Variants in INSC observed in about 807,000 individuals in gnomAD.
The protein encoded by INSC is INSC spindle orientation adaptor protein.
Under a neutral mutation model 58.6 loss-of-function variants are expected in INSC, and 67 were observed. The ratio of observed to expected loss-of-function variants is 1.14; its 90% CI spans 0.94 to 1.40. The LOEUF (loss-of-function observed/expected upper bound fraction) is 1.40, where lower values mean the gene tolerates loss of function less well. Among genes scored for constraint, INSC ranks in the 40% most tolerant of loss-of-function variants. The pLI is 0.00. For missense variants in INSC, 714 were observed against 692.0 expected, an observed-to-expected ratio of 1.03 and a Z score of -0.36; for synonymous variants, 262 against 276.1, an observed-to-expected ratio of 0.95 and a Z score of 0.51.
At chr11:15,245,067 A>G (rs1590021273) in intron 12 of INSC, among the ~76,000 whole-genome samples, 1 of 152,208 alleles carries the variant, frequency 6.6e-6, no homozygotes, top group East Asian at 1.9e-4. Flanking sequence ...GATACAGAGA[A>G]ATAGAAAACA....
At chr11:15,235,310 C>T (rs550134833) in intron 9 of INSC, 13 of 428,736 alleles carry the variant, frequency 3.0e-5, no homozygotes, top group African/African-American at 8.0e-5. Flanking sequence ...GAAAGACAAC[C>T]GGGCCCCAAC....
intron 1 of INSC, among the ~76,000 whole-genome samples, chr11:15,140,948 T>C (rs577923500): frequency 7.1e-4 from 108 of 152,244 alleles, no homozygotes; most frequent in Admixed American, 1.6e-3. Context: ...TTCTGGCTCC[T>C]CATCTGAAAA....
chr11:15,219,440 G>C (rs998678488), intron 7 of INSC, among the ~76,000 whole-genome samples: 1 of 152,168 alleles, frequency 6.6e-6, no homozygotes, highest in African/African-American at 2.4e-5. Flanking sequence ...AGTGGACACT[G>C]TTCCCAGCAC....
the INSC span, among the ~76,000 whole-genome samples, chr11:15,266,016 T>C: frequency 3.3e-5 from 5 of 151,840 alleles, no homozygotes; most frequent in African/African-American, 9.7e-5. Context: ...ACAAAGTCCA[T>C]TGAGCCTGAG....
At chr11:15,111,437 G>A (rs984418890), upstream of INSC, among the ~76,000 whole-genome samples, 3 of 152,224 alleles carry the variant, frequency 2.0e-5, no homozygotes, top group Admixed American at 6.5e-5. Flanking sequence ...CTAAAGTGAT[G>A]TGTGAAGCTG....
At chr11:15,240,417 G>T (rs371737832) in intron 11 of INSC, 30 bp from the exon 12 acceptor site, 101 of 1,601,002 alleles carry the variant, frequency 6.3e-5, no homozygotes, top group Non-Finnish European at 7.7e-5. Context: ...CCCTGTCCTG[G>T]GCCTGAGGCT....
intron 9 of INSC, among the ~76,000 whole-genome samples, chr11:15,234,582 C>A (rs924947327): frequency 1.3e-5 from 2 of 152,214 alleles, no homozygotes; most frequent in Admixed American, 1.3e-4. Flanking sequence ...TACCATCCTG[C>A]AAGCTTTGAA....
intron 9 of INSC, among the ~76,000 whole-genome samples, chr11:15,232,208 G>A (rs755834072): frequency 6.6e-6 from 1 of 152,186 alleles, no homozygotes; most frequent in African/African-American, 2.4e-5. Context: ...TCACCTTTGG[G>A]AGGGATCTCA....
At chr11:15,201,390 G>C (rs981952012) in intron 7 of INSC, among the ~76,000 whole-genome samples, 1 of 152,156 alleles carries the variant, frequency 6.6e-6, no homozygotes, top group Admixed American at 6.5e-5. Flanking sequence ...AGCAGGTGGG[G>C]CTCCTCTCCA....
intron 2 of INSC, among the ~76,000 whole-genome samples, chr11:15,150,236 A>G (rs1848607851): frequency 6.6e-6 from 1 of 152,210 alleles, no homozygotes; most frequent in African/African-American, 2.4e-5. Flanking sequence ...GTCCACATAC[A>G]CAGAGAAGGC....
intron 1 of INSC, among the ~76,000 whole-genome samples, chr11:15,120,066 C>G (rs181763572): frequency 6.6e-6 from 1 of 152,188 alleles, no homozygotes; most frequent in Admixed American, 6.5e-5. Context: ...TGGGTTAAGT[C>G]ACTTACCTTC....
intron 6 of INSC, among the ~76,000 whole-genome samples, chr11:15,199,418 G>C (rs750271803): frequency 6.6e-6 from 1 of 152,172 alleles, no homozygotes; most frequent in African/African-American, 2.4e-5. Context: ...TGAAAAGGGC[G>C]CATGAGCCTA....
intron 1 of INSC, among the ~76,000 whole-genome samples, chr11:15,136,236 G>A (rs943510412): frequency 1.3e-5 from 2 of 152,150 alleles, no homozygotes; most frequent in East Asian, 1.9e-4. Context: ...TAAAAACAAT[G>A]TACATATATA....
chr11:15,132,340 C>A (rs1848144261), intron 1 of INSC, among the ~76,000 whole-genome samples: 1 of 152,106 alleles, frequency 6.6e-6, no homozygotes, highest in Non-Finnish European at 1.5e-5. Flanking sequence ...AGCTGGGGTA[C>A]AGTGGGGCAA....
chr11:15,214,089 C>T (rs1384358925), intron 7 of INSC, among the ~76,000 whole-genome samples: 1 of 152,184 alleles, frequency 6.6e-6, no homozygotes, highest in Admixed American at 6.5e-5. Context: ...CCATGAAATG[C>T]TTTGCCCTTT....
chr11:15,161,733 G>A (rs73424551), intron 2 of INSC, among the ~76,000 whole-genome samples: 2,539 of 152,288 alleles, frequency 0.017, 65 homozygotes, highest in African/African-American at 0.058. Context: ...CGCCACTTAC[G>A]TAAAAGCCCC....
At chr11:15,266,252 C>T in the INSC span, among the ~76,000 whole-genome samples, 141 of 150,042 alleles carry the variant, frequency 9.4e-4, no homozygotes, top group Admixed American at 1.9e-3. Context: ...ATGATGTGAT[C>T]TCAAAAAAAA....
At chr11:15,111,926 T>C (rs952951791), upstream of INSC, among the ~76,000 whole-genome samples, 4 of 152,218 alleles carry the variant, frequency 2.6e-5, no homozygotes, top group Non-Finnish European at 2.9e-5. Context: ...TACCAGAACC[T>C]AGTACTGTTC....
chr11:15,209,897 G>T (rs1208197902), intron 7 of INSC, among the ~76,000 whole-genome samples: 1 of 152,134 alleles, frequency 6.6e-6, no homozygotes, highest in Non-Finnish European at 1.5e-5. Context: ...GGAGTTGGGG[G>T]AGTATAAACA....
Sources: gnomAD v4.1 joint callset for allele counts (sites outside exome capture counted in the v4.1 genomes callset) on GRCh38, gnomAD v4.1.1 for gene constraint, MANE v1.5 for transcripts, NCBI Gene and HGNC (gene_info 2026-07-23, HGNC 2026-07-21) for gene names.